ANXA6: variants seen among roughly 807,000 people sequenced by gnomAD.
ANXA6 encodes 67 kDa calelectrin.
A neutral mutation model predicts 95.4 loss-of-function variants in ANXA6; 71 were observed. The observed-to-expected ratio is 0.74, with a 90% CI of 0.61 to 0.91. ANXA6 has a LOEUF of 0.91. Among genes scored for constraint, ANXA6 ranks in the 40% least tolerant of loss-of-function variants. The pLI is 0.00. For synonymous variants in ANXA6, 289 were observed against 315.9 expected (o/e 0.91, Z 0.90); for missense variants, 830 against 876.4 (o/e 0.95, Z 0.67).
chr5:151,101,133 T>G lies in ANXA6; in HGVS notation c.*315A>C. 1 of 544,862 alleles carries G rather than the reference T, an allele frequency of 1.8e-6. No individual in the cohort carries two copies. Among genetic ancestry groups the G allele is most frequent in the South Asian group, 1.8e-5 (1 of 56,590 alleles). The allele number at this position is 544,862 out of a possible 1,614,324, so 33.8% of individuals were successfully genotyped here. The stretch of plus-strand genomic sequence containing the variant: ...TACAGACAGAGGTTCAGGATGTTTT[T>G]GGATCTGACATAGCCCAAACCAGGG... On this transcript the variant is annotated 3_prime_UTR_variant, in exon 26 of 26. Coordinates refer to ENST00000354546, the MANE Select transcript of ANXA6 (RefSeq NM_001155.5).
rs1409660787 is a variant in ANXA6, at chr5:151,122,147, C to A, written c.1347G>T (p.Glu449Asp). The change falls in exon 17 of 26, where the codon GAG becomes GAT. Residue 449 changes from glutamate to aspartate, a missense_variant and splice_region_variant. Glu to Asp is a conservative substitution (Grantham distance 45, BLOSUM62 2). Coordinates refer to ENST00000354546, the MANE Select transcript of ANXA6 (RefSeq NM_001155.5). Reference protein sequence around the residue: ...YDAKQLKKAMEGAGTDEKALI... With the variant: ...YDAKQLKKAMDGAGTDEKALI... The stretch of plus-strand genomic sequence containing the variant: ...TAGACCCCCTGGTGCCACACTGTAC[C>A]TCCATGGCCTTCTTCAACTGCTTGG... 3 of 1,584,288 alleles carry A rather than the reference C, an allele frequency of 1.9e-6. No individual in the cohort carries two copies. The highest frequency in any genetic ancestry group is 2.3e-5 in the South Asian group (2 of 85,722).
rs75489809 is a variant in ANXA6 at position 151,129,689 on chromosome 5, TCTTA to T, written c.796-164_796-161del. On this transcript the variant is annotated intron_variant, in intron 11 of 25. Transcript: ENST00000354546. ...CCCATTGAAGCTCTCTCTATGCTCC[TCTTA>T]CTGTTTTGTTTGTTTGTTTGTTTGT... is the stretch of plus-strand genomic sequence containing the variant. Among the ~76,000 whole-genome samples, 691 of 137,688 alleles carry T rather than the reference TCTTA, an allele frequency of 5.0e-3. 13 individuals carry two copies. The East Asian group carries it at 0.057, about 11-fold the overall frequency. The allele number at this position is 137,688 out of a possible 152,430, so 90.3% of individuals were successfully genotyped here. A position where few individuals can be genotyped will look rare whatever the true frequency, so the allele number is the denominator to read the frequency against.
intron 2 of ANXA6, among the ~76,000 whole-genome samples, chr5:151,145,581 A>G (rs901442697): frequency 3.9e-5 from 6 of 152,170 alleles, no homozygotes; most frequent in Non-Finnish European, 7.3e-5. Flanking sequence ...TGTCTAGGCC[A>G]GAGAAGACGG....
chr5:151,138,987 C>A, intron 4 of ANXA6, 196 bp from the exon 5 acceptor site: 1 of 606,688 alleles, frequency 1.6e-6, no homozygotes, highest in Non-Finnish European at 2.9e-6. Context: ...TACTCCATGT[C>A]ATGCTGCTAG....
At position 151,140,233 on chromosome 5, in the gene ANXA6, T is replaced by G. The variant is rs540355415; in HGVS notation, c.29A>C (p.Tyr10Ser). The change falls in exon 3 of 26, where the codon TAC (tyrosine) becomes TCC (serine). Residue 10 changes from tyrosine (Y) to serine (S), a missense_variant. Coordinates refer to ENST00000354546, the MANE Select transcript of ANXA6 (RefSeq NM_001155.5). The stretch of plus-strand genomic sequence containing the variant: ...TGGGAAGTCATGGATGGAGCCCCGG[T>G]ACTTGGCACCCTGTGGAGAAAAAAG... The part of the protein sequence containing the change: MAKPAQGAK[Y>S]RGSIHDFPGF... The G allele has an allele frequency of 6.2e-7, 1 of 1,613,834 alleles. No homozygotes were observed. Among genetic ancestry groups the G allele is most frequent in the Admixed American group, 1.7e-5 (1 of 60,010 alleles).
intron 2 of ANXA6, 118 bp from the exon 3 acceptor site, chr5:151,140,361 C>T: frequency 1.2e-6 from 1 of 825,554 alleles, no homozygotes; most frequent in Non-Finnish European, 2.0e-6. Context: ...CCTGCAAAAT[C>T]CAGTGCTGGC....
intron 2 of ANXA6, among the ~76,000 whole-genome samples, chr5:151,146,279 TCTAGTATGA>T (rs1276152505): frequency 6.6e-6 from 1 of 152,164 alleles, no homozygotes; most frequent in Non-Finnish European, 1.5e-5. Context: ...AGGAAGTAGC[TCTAGTATGA>T]CTACACATAG....
chr5:151,140,353 T>C lies in ANXA6; in HGVS notation c.19-110A>G. 2.1e-6 allele frequency: 2 copies of C among 931,444 alleles called. 1 individual carries two copies. Among genetic ancestry groups the C allele is most frequent in the South Asian group, 2.9e-5 (2 of 68,002 alleles). 57.7% of individuals were successfully genotyped at this position (931,444 alleles called of 1,614,324 possible). A position where few individuals can be genotyped will look rare whatever the true frequency, so the allele number is the denominator to read the frequency against. The stretch of plus-strand genomic sequence containing the variant: ...CTGGTCCAGGCTGAGCTGCTTTCCC[T>C]GCAAAATCCAGTGCTGGCCACATAC... On this transcript the variant is annotated intron_variant, in intron 2 of 25. Coordinates refer to ENST00000354546, the MANE Select transcript of ANXA6 (RefSeq NM_001155.5).
chr5:151,152,226 T>C (rs903157480), intron 1 of ANXA6, among the ~76,000 whole-genome samples: 3 of 152,192 alleles, frequency 2.0e-5, no homozygotes, highest in African/African-American at 7.2e-5. Context: ...GAAATACCTA[T>C]AGGTACTGAG....
intron 1 of ANXA6, among the ~76,000 whole-genome samples, chr5:151,150,554 C>A (rs1465751302): frequency 6.6e-6 from 1 of 152,154 alleles, no homozygotes; most frequent in African/African-American, 2.4e-5. Flanking sequence ...CAGCTGAGGA[C>A]AGTCATCATA....
At chr5:151,122,802 T>C in intron 16 of ANXA6, 115 bp downstream of exon 16, 1 of 842,464 alleles carries the variant, frequency 1.2e-6, no homozygotes, top group East Asian at 2.5e-5. Flanking sequence ...CCACACAGGG[T>C]CCCTCTGCCA....
intron 17 of ANXA6, among the ~76,000 whole-genome samples, chr5:151,121,885 T>C (rs371363373): frequency 2.0e-5 from 3 of 151,910 alleles, no homozygotes; most frequent in East Asian, 1.9e-4. Flanking sequence ...TGCCTGAGAG[T>C]GAAGCCAGAA....
At chr5:151,105,191 G>A in intron 24 of ANXA6, 54 bp downstream of exon 24, 1 of 1,492,852 alleles carries the variant, frequency 6.7e-7, no homozygotes, top group Non-Finnish European at 9.3e-7. Flanking sequence ...GTGTGTTTGT[G>A]TGTGTATGTA....
In ANXA6 at chr5:151,129,353, T is replaced by A; in HGVS notation, c.918+54A>T. On this transcript the variant is annotated intron_variant, in intron 12 of 25. Coordinates refer to ENST00000354546, the MANE Select transcript of ANXA6 (RefSeq NM_001155.5). ...TCCTGGGAATAGTCCCCAAGCCCTC[T>A]GTCTTGGCAAAAAGCTCTTTGCTCC... The A allele has an allele frequency of 1.9e-6, 3 of 1,604,562 alleles. No homozygotes were observed. The Admixed American group carries it at 5.0e-5, about 27-fold the overall frequency.
chr5:151,127,517 A>G (rs1390537145), intron 13 of ANXA6, among the ~76,000 whole-genome samples: 2 of 152,156 alleles, frequency 1.3e-5, no homozygotes, highest in Non-Finnish European at 2.9e-5. Flanking sequence ...CGGCTTTTCT[A>G]TAGGTGATTT....
chr5:151,114,556 G>A (rs1764940175), intron 20 of ANXA6, among the ~76,000 whole-genome samples: 1 of 137,376 alleles, frequency 7.3e-6, no homozygotes, highest in Admixed American at 8.1e-5. Flanking sequence ...AGACGTTGCA[G>A]TGAGCCAAGA....
chr5:151,135,358 C>T (rs151009318), intron 7 of ANXA6, among the ~76,000 whole-genome samples: 2 of 152,328 alleles, frequency 1.3e-5, no homozygotes, highest in African/African-American at 2.4e-5. Context: ...AAATGGGGCA[C>T]AGGTCACACT....
At chr5:151,141,172 T>A (rs1312517977) in intron 2 of ANXA6, among the ~76,000 whole-genome samples, 1 of 152,096 alleles carries the variant, frequency 6.6e-6, no homozygotes, top group East Asian at 1.9e-4. Flanking sequence ...AAGTCAGATG[T>A]GGGTCAGTTA....
intron 11 of ANXA6, among the ~76,000 whole-genome samples, chr5:151,130,693 C>T (rs889833682): frequency 4.7e-5 from 7 of 150,454 alleles, no homozygotes; most frequent in Non-Finnish European, 1.5e-5. Flanking sequence ...GAATGGCCAA[C>T]CAGGGCCAGA....
Sources: gnomAD v4.1 joint callset for allele counts (sites outside exome capture counted in the v4.1 genomes callset) on GRCh38, gnomAD v4.1.1 for gene constraint, MANE v1.5 for transcripts, NCBI Gene and HGNC (gene_info 2026-07-23, HGNC 2026-07-21) for gene names.